POGZ: variants seen among roughly 807,000 people sequenced by gnomAD.
POGZ encodes pogo transposable element derived with ZNF domain.
Under a neutral mutation model 134.6 loss-of-function variants are expected in POGZ, and 17 were observed. The ratio of observed to expected loss-of-function variants is 0.13; its 90% CI spans 0.09 to 0.19. POGZ has a LOEUF of 0.19. Ranked by LOEUF, POGZ falls within the 10% of genes least tolerant of loss-of-function variation. The pLI is 1.00. For synonymous variants in POGZ, 693 were observed against 657.1 expected (o/e 1.05, Z -0.84); for missense variants, 1,306 against 1,769.7 (o/e 0.74, Z 4.70).
intron 5 of POGZ, among the ~76,000 whole-genome samples, chr1:151,429,150 A>T (rs1658279659): frequency 6.6e-6 from 1 of 151,500 alleles, no homozygotes; most frequent in Non-Finnish European, 1.5e-5. Context: ...TATCTAGCAG[A>T]ATCTTAAAAA....
chr1:151,412,373 C>T lies in POGZ; in HGVS notation c.1702G>A (p.Ala568Thr). 2 of 1,606,826 alleles carry T rather than the reference C, an allele frequency of 1.2e-6. No homozygotes were observed. The highest frequency in any genetic ancestry group is 1.7e-6 in the Non-Finnish European group (2 of 1,173,908). The change falls in exon 11 of 19, where the codon GCG becomes ACG. Residue 568 changes from alanine (A) to threonine (T), a missense_variant. Transcript: ENST00000271715. ...AGAAATAGTGGCTCACTTTCAAACGCCCATTCACAGATCTTGCACTTGGCT... is the reference window on the plus strand; with the variant it reads ...AGAAATAGTGGCTCACTTTCAAACGTCCATTCACAGATCTTGCACTTGGCT... ...STTKCKICEW[A>T]FESEPLFLQH...
chr1:151,437,920 G>A (rs191801412), intron 3 of POGZ, among the ~76,000 whole-genome samples: 187 of 152,088 alleles, frequency 1.2e-3, no homozygotes, highest in Non-Finnish European at 2.3e-3. Flanking sequence ...CATTTCAAGA[G>A]TTCCTAGGCT....
intron 1 of POGZ, among the ~76,000 whole-genome samples, chr1:151,448,097 T>C (rs1661528482): frequency 6.6e-6 from 1 of 152,278 alleles, no homozygotes; most frequent in East Asian, 1.9e-4. Flanking sequence ...CCCCAAGTAT[T>C]AGCTATCTTC....
chr1:151,453,310 T>C (rs1282786154), intron 1 of POGZ, among the ~76,000 whole-genome samples: 1 of 152,114 alleles, frequency 6.6e-6, no homozygotes, highest in East Asian at 1.9e-4. Flanking sequence ...ATCTTAGCTG[T>C]GATATTCTGT....
intron 10 of POGZ, among the ~76,000 whole-genome samples, chr1:151,413,437 A>G (rs909432091): frequency 1.6e-4 from 25 of 152,038 alleles, no homozygotes; most frequent in Non-Finnish European, 3.5e-4. Flanking sequence ...AATTTTGGTA[A>G]GACTTTTAAC....
chr1:151,447,973 G>A (rs1661514807), intron 1 of POGZ, among the ~76,000 whole-genome samples: 1 of 151,988 alleles, frequency 6.6e-6, no homozygotes, highest in African/African-American at 2.4e-5. Context: ...CCCAGACCTA[G>A]AACCAACCAT....
rs184575879 is a variant in POGZ, at chr1:151,427,795, C to T, written c.1078+28G>A. ...TTTATTAATGTTTTTGAATGACTGG[C>T]TGCTCAGAGTCTTTCAGGTTATTGT... On this transcript the variant is annotated intron_variant, in intron 7 of 18. Coordinates refer to ENST00000271715, the MANE Select transcript of POGZ (RefSeq NM_015100.4). 519 of 1,410,994 alleles carry T rather than the reference C, an allele frequency of 3.7e-4. 2 individuals are homozygous for T. In the African/African-American group the frequency reaches 6.4e-3, roughly 17 times the overall value. 87.4% of individuals were successfully genotyped at this position (1,410,994 alleles called of 1,614,324 possible).
In POGZ at chr1:151,411,730, G is replaced by T. The variant is rs761214354; in HGVS notation, c.1821C>A (p.Val607=). ...TATCCTCATGGATCATCCGAAAATG[G>T]ACATCTACCTCAGAGTAGAGTGAGG... is the stretch of plus-strand genomic sequence containing the variant. ...YRSSLYSEVD[V]HFRMIHEDTR... Residue 607 remains valine (V), a synonymous_variant, in exon 12 of 19, where the codon GTC becomes GTA. Transcript: ENST00000271715. 1 of 1,613,182 alleles carries T rather than the reference G, an allele frequency of 6.2e-7. No homozygotes were observed. The highest frequency in any genetic ancestry group is 8.5e-7 in the Non-Finnish European group (1 of 1,179,362).
chr1:151,447,642 ATTTTTTTTTTTTTTTTT>A (rs35308281), intron 1 of POGZ, among the ~76,000 whole-genome samples: 1 of 52,936 alleles, frequency 1.9e-5, no homozygotes, highest in African/African-American at 6.5e-5. Context: ...TGTCTGGCTA[ATTTTTTTTTTTTTTTTT>A]TTTTTTTTTT....
Position 151,440,953 on chromosome 1 carries a change from A to C in POGZ, c.258T>G (p.Leu86=). The C allele has an allele frequency of 1.2e-6, 2 of 1,613,728 alleles. No individual in the cohort carries two copies. Among genetic ancestry groups the C allele is most frequent in the Non-Finnish European group, 1.7e-6 (2 of 1,179,726 alleles). The change falls in exon 3 of 19, where the codon CTT becomes CTG. Residue 86 remains leucine, a synonymous_variant. Transcript: ENST00000271715. The part of the protein sequence containing the change: ...AQNSDSTKKT[L]VTLIANNNAG... The stretch of plus-strand genomic sequence containing the variant: ...CATTGTTGTTGGCAATTAGTGTGAC[A>C]AGAGTCTTCTTTGTACTGTCGCTGT...
At position 151,459,366 on chromosome 1, in the gene POGZ, AG is replaced by A. The variant is rs973703056; in HGVS notation, c.-217del. On this transcript the variant is annotated 5_prime_UTR_variant, in exon 1 of 19. Transcript: ENST00000271715. ...TGATTCGGGGTGGATTTTTTTCCCG[AG>A]GGGGGCGGGGGGGCCCCGAGGGAGG... The A allele has an allele frequency of 4.8e-5, 1 of 21,044 alleles. No homozygotes were observed. Among genetic ancestry groups the A allele is most frequent in the Non-Finnish European group, 8.7e-5 (1 of 11,512 alleles). The allele number at this position is 21,044 out of a possible 1,614,324, so 1.3% of individuals were successfully genotyped here.
In POGZ at chr1:151,412,415, T is replaced by C; in HGVS notation, c.1679-19A>G. 7.4e-7 allele frequency: 1 copy of C among 1,354,830 alleles called. No individual in the cohort carries two copies. The highest frequency in any genetic ancestry group is 1.8e-4 in the Middle Eastern group (1 of 5,550). 83.9% of individuals were successfully genotyped at this position (1,354,830 alleles called of 1,614,324 possible). On this transcript the variant is annotated intron_variant, in intron 10 of 18. Coordinates refer to ENST00000271715, the MANE Select transcript of POGZ (RefSeq NM_015100.4). ...CACTTGGCTGTAAGAAGAAAAGTAATCAATAAATCCACTTGAAAATAAGAC... is the reference window on the plus strand; with the variant it reads ...CACTTGGCTGTAAGAAGAAAAGTAACCAATAAATCCACTTGAAAATAAGAC...
intron 1 of POGZ, among the ~76,000 whole-genome samples, chr1:151,456,612 T>C (rs1557961803): frequency 6.6e-6 from 1 of 152,228 alleles, no homozygotes; most frequent in Non-Finnish European, 1.5e-5. Context: ...GTTTATTTAA[T>C]CACAAATTCT....
chr1:151,443,899 C>A (rs1421172617), intron 1 of POGZ, among the ~76,000 whole-genome samples: 1 of 152,060 alleles, frequency 6.6e-6, no homozygotes, highest in African/African-American at 2.4e-5. Context: ...TCTAAGTGTC[C>A]TTAGTGTCTT....
chr1:151,457,194 A>G (rs1190792673), intron 1 of POGZ, among the ~76,000 whole-genome samples: 1 of 152,214 alleles, frequency 6.6e-6, no homozygotes, highest in Non-Finnish European at 1.5e-5. Context: ...GGTTCGTCCC[A>G]AGAGTCCATT....
intron 12 of POGZ, among the ~76,000 whole-genome samples, chr1:151,411,221 C>A (rs1168475958): frequency 6.6e-6 from 1 of 152,188 alleles, no homozygotes; most frequent in Non-Finnish European, 1.5e-5. Flanking sequence ...TACACTGAAT[C>A]TCTCTCAATT....
Position 151,404,902 on chromosome 1 carries a change from G to C in POGZ, c.4133C>G (p.Thr1378Arg). Residue 1378 changes from threonine to arginine, a missense_variant, in exon 19 of 19, where the codon ACA becomes AGA. Physicochemically the swap from Thr to Arg is moderately conservative, Grantham distance 71. Transcript: ENST00000271715. The stretch of plus-strand genomic sequence containing the variant: ...CTGGTGAAGACTTTCAGGCTCAATT[G>C]TCTCTTCAGGAGATGATCTGGGTCG... ...TPRPRSSPEE[T>R]IEPESLHQLF... The C allele has an allele frequency of 6.2e-7, 1 of 1,614,176 alleles. No individual in the cohort carries two copies.
At chr1:151,440,377 G>A (rs1053011410) in intron 3 of POGZ, among the ~76,000 whole-genome samples, 5 of 151,876 alleles carry the variant, frequency 3.3e-5, no homozygotes, top group Admixed American at 3.3e-4. Context: ...TCTTAGGAGT[G>A]TAGAAATAGA....
intron 1 of POGZ, 35 bp from the exon 2 acceptor site, chr1:151,442,240 A>C (rs1192016286): frequency 6.3e-7 from 1 of 1,598,062 alleles, no homozygotes; most frequent in African/African-American, 1.3e-5. Flanking sequence ...ATATGGGCCT[A>C]AGAATAGGAG....
Sources: gnomAD v4.1 joint callset for allele counts (sites outside exome capture counted in the v4.1 genomes callset) on GRCh38, gnomAD v4.1.1 for gene constraint, MANE v1.5 for transcripts, NCBI Gene and HGNC (gene_info 2026-07-23, HGNC 2026-07-21) for gene names.